Variants in FIBCD1 observed in about 807,000 individuals in gnomAD.
The protein encoded by FIBCD1 is fibrinogen C domain-containing protein 1.
A neutral mutation model predicts 45.1 loss-of-function variants in FIBCD1; 47 were observed. That is an observed-to-expected ratio of 1.04 (90% CI 0.82 to 1.33). The LOEUF is 1.33. Ranked by LOEUF, FIBCD1 falls within the 40% of genes most tolerant of loss-of-function variation. The pLI is 0.00. For missense variants in FIBCD1, 653 were observed against 682.2 expected (o/e 0.96, Z 0.48); for synonymous variants, 313 against 308.1 (o/e 1.02, Z -0.17).
At chr9:130,930,132 G>C in intron 1 of FIBCD1, 86 bp from the exon 2 acceptor site, 1 of 1,425,454 alleles carries the variant, frequency 7.0e-7, no homozygotes, top group South Asian at 1.5e-5. Context: ...TGGGGTCAGA[G>C]GACCCCCTTC....
chr9:130,927,623 AC>A (rs1420468336), intron 2 of FIBCD1, among the ~76,000 whole-genome samples: 1 of 152,090 alleles, frequency 6.6e-6, no homozygotes, highest in African/African-American at 2.4e-5. Context: ...ATGAGAATCA[AC>A]CCCGGCTGGG....
At chr9:130,918,724 A>G (rs1157964207) in intron 4 of FIBCD1, among the ~76,000 whole-genome samples, 2 of 152,076 alleles carry the variant, frequency 1.3e-5, no homozygotes, top group Non-Finnish European at 2.9e-5. Context: ...CTTTCTGGAC[A>G]CCTCTGGGCA....
At chr9:130,916,780 G>A (rs996347984) in intron 4 of FIBCD1, among the ~76,000 whole-genome samples, 2 of 152,188 alleles carry the variant, frequency 1.3e-5, no homozygotes, top group African/African-American at 2.4e-5. Flanking sequence ...CCCACCCACC[G>A]AACGTGAATC....
At chr9:130,924,700 T>C (rs1832328816) in intron 2 of FIBCD1, among the ~76,000 whole-genome samples, 1 of 152,128 alleles carries the variant, frequency 6.6e-6, no homozygotes, top group African/African-American at 2.4e-5. Context: ...TCTTCGGCCA[T>C]CTCTTCGGCC....
At position 130,923,898 on chromosome 9, in the gene FIBCD1, G is replaced by A; in HGVS notation, c.713-18C>T. ...CCGGGAGCCTGAGGGAGGCAAGGCTGTCAGGGTGGCTGCGGCCCCAGCACG... is the reference window on the plus strand; with the variant it reads ...CCGGGAGCCTGAGGGAGGCAAGGCTATCAGGGTGGCTGCGGCCCCAGCACG... On this transcript the variant is annotated intron_variant, in intron 3 of 6. Transcript: ENST00000372338. The A allele has an allele frequency of 6.2e-7, 1 of 1,611,814 alleles. No individual in the cohort carries two copies. Among genetic ancestry groups the A allele is most frequent in the Non-Finnish European group, 8.5e-7 (1 of 1,179,914 alleles).
chr9:130,922,599 T>A lies in FIBCD1; in HGVS notation c.849+1145A>T, dbSNP rs1325086888. Among the ~76,000 whole-genome samples, 1 of 152,056 alleles carries A rather than the reference T, an allele frequency of 6.6e-6. No individual in the cohort carries two copies. The highest frequency in any genetic ancestry group is 2.4e-5 in the African/African-American group (1 of 41,386). ...TGCTGTCGGGGTCCCATCATAGACC[T>A]GTGGACTGAACGGTCGAAACACCTC... is the stretch of plus-strand genomic sequence containing the variant. On this transcript the variant is annotated intron_variant, in intron 4 of 6. Transcript: ENST00000372338. This position sits in a 1 kb window ranked among gnomAD's most constrained non-coding sequence, Gnocchi z 4.5.
intron 1 of FIBCD1, among the ~76,000 whole-genome samples, chr9:130,937,650 A>G (rs1832539219): frequency 6.6e-6 from 1 of 152,102 alleles, no homozygotes; most frequent in East Asian, 1.9e-4. Flanking sequence ...GGGCAGCCCT[A>G]TTCTCTCCTC....
Position 130,938,681 on chromosome 9 carries a change from G to T in FIBCD1, c.-74C>A, listed in dbSNP as rs1215160912. On this transcript the variant is annotated 5_prime_UTR_variant, in exon 1 of 7. Coordinates refer to ENST00000372338, the MANE Select transcript of FIBCD1 (RefSeq NM_032843.5). Reference sequence around the variant, plus strand: ...GCGCAAAGGAGACGGGGTGGGCGCGGGCGCGGGCGCGGGGCGCGCTCTGTC... The same window carrying T: ...GCGCAAAGGAGACGGGGTGGGCGCGTGCGCGGGCGCGGGGCGCGCTCTGTC... The T allele has an allele frequency of 3.0e-6, 3 of 1,008,304 alleles. No individual in the cohort carries two copies. Among genetic ancestry groups the T allele is most frequent in the Non-Finnish European group, 2.5e-6 (2 of 797,408 alleles). 62.5% of individuals were successfully genotyped at this position (1,008,304 alleles called of 1,614,324 possible).
chr9:130,908,835 C>A (rs1402657496), intron 5 of FIBCD1, among the ~76,000 whole-genome samples: 2 of 151,922 alleles, frequency 1.3e-5, no homozygotes, highest in South Asian at 2.1e-4. Context: ...CAGAGAGGGC[C>A]CTGCTCTCAT....
At chr9:130,924,117 C>G in intron 3 of FIBCD1, 120 bp downstream of exon 3, 2 of 1,358,978 alleles carry the variant, frequency 1.5e-6, no homozygotes, top group Non-Finnish European at 2.0e-6. Flanking sequence ...TCAGCGCAGG[C>G]CACATGGAAG....
intron 4 of FIBCD1, among the ~76,000 whole-genome samples, chr9:130,923,471 AAGAGCCACAGCTGGGG>A (rs1294104516): frequency 2.0e-4 from 31 of 152,154 alleles, no homozygotes; most frequent in Admixed American, 1.9e-3. Context: ...CCCCTGCTGG[AAGAGCCACAGCTGGGG>A]ATCTCAGGGA....
intron 4 of FIBCD1, among the ~76,000 whole-genome samples, chr9:130,912,715 A>C (rs1832081838): frequency 6.8e-6 from 1 of 146,412 alleles, no homozygotes; most frequent in Non-Finnish European, 1.5e-5. Flanking sequence ...AAAAAAAAAA[A>C]AGGGAATCTC....
chr9:130,921,617 G>T (rs955195462), intron 4 of FIBCD1, among the ~76,000 whole-genome samples: 1 of 152,140 alleles, frequency 6.6e-6, no homozygotes, highest in African/African-American at 2.4e-5. Flanking sequence ...TTGACTTCCC[G>T]GGAGATTGGC....
chr9:130,920,303 C>T (rs1832238744), intron 4 of FIBCD1, among the ~76,000 whole-genome samples: 1 of 152,098 alleles, frequency 6.6e-6, no homozygotes, highest in South Asian at 2.1e-4. Flanking sequence ...AGAGCCAGAT[C>T]CTGTGTTCAC....
chr9:130,913,070 C>T (rs2133081770), intron 4 of FIBCD1, among the ~76,000 whole-genome samples: 1 of 152,162 alleles, frequency 6.6e-6, no homozygotes, highest in East Asian at 1.9e-4. Context: ...GCCTGGGCTG[C>T]CTCTGTTGTT....
upstream of FIBCD1, among the ~76,000 whole-genome samples, chr9:130,939,899 C>A (rs1166074766): frequency 1.3e-5 from 2 of 151,960 alleles, no homozygotes; most frequent in Non-Finnish European, 2.9e-5. Flanking sequence ...CCACACTGCC[C>A]GACGCCGCGC....
intron 5 of FIBCD1, among the ~76,000 whole-genome samples, chr9:130,911,202 A>G (rs973292543): frequency 2.3e-4 from 35 of 152,236 alleles, no homozygotes; most frequent in African/African-American, 7.7e-4. Context: ...CAGCTAGACC[A>G]CGAACCCACC....
In FIBCD1 at chr9:130,912,392, CAAAAAA is replaced by C. The variant is rs61490832; in HGVS notation, c.850-510_850-505del. On this transcript the variant is annotated intron_variant, in intron 4 of 6. Coordinates refer to ENST00000372338, the MANE Select transcript of FIBCD1 (RefSeq NM_032843.5). ...CTGTACTCCAGCCTGGGCTCTCTCTCAAAAAAAAAAAAAAAAAAAAAAAAGTGGGGT... is the reference window on the plus strand; with the variant it reads ...CTGTACTCCAGCCTGGGCTCTCTCTCAAAAAAAAAAAAAAAAAAGTGGGGT... Among the ~76,000 whole-genome samples, 166 of 75,706 alleles carry C rather than the reference CAAAAAA, an allele frequency of 2.2e-3. 1 individual carries two copies. Among genetic ancestry groups the C allele is most frequent in the African/African-American group, 7.5e-3 (128 of 17,092 alleles). 49.7% of individuals were successfully genotyped at this position (75,706 alleles called of 152,430 possible).
intron 2 of FIBCD1, among the ~76,000 whole-genome samples, chr9:130,924,622 C>T (rs893520482): frequency 2.6e-5 from 4 of 152,134 alleles, no homozygotes; most frequent in African/African-American, 7.2e-5. Flanking sequence ...CTGGGAGGGC[C>T]GGGGAGCAGG....
Sources: allele counts gnomAD v4.1 joint callset (sites outside exome capture counted in the v4.1 genomes callset), GRCh38; gene constraint gnomAD v4.1.1; non-coding constraint Gnocchi (gnomAD v3.1); transcripts MANE v1.5; gene names NCBI Gene and HGNC (gene_info 2026-07-23, HGNC 2026-07-21).